STRN3: variants seen among roughly 807,000 people sequenced by gnomAD.
STRN3 encodes striatin-3.
A neutral mutation model predicts 95.6 loss-of-function variants in STRN3; 29 were observed. That is an observed-to-expected ratio of 0.30 (90% CI 0.23 to 0.41). STRN3 has a LOEUF of 0.41. Among genes scored for constraint, STRN3 ranks in the 10% least tolerant of loss-of-function variants. STRN3 has a pLI of 1.00. For synonymous variants in STRN3, 331 were observed against 357.6 expected, an observed-to-expected ratio of 0.93 and a Z score of 0.84; for missense variants, 890 against 972.1, an observed-to-expected ratio of 0.92 and a Z score of 1.12.
chr14:31,020,798 C>T (rs938590685), intron 1 of STRN3, among the ~76,000 whole-genome samples: 2 of 151,932 alleles, frequency 1.3e-5, no homozygotes, highest in Admixed American at 6.6e-5. Flanking sequence ...CCCACCTACT[C>T]GGGAGGCTGC....
chr14:30,900,444 G>GGT (rs1364691296), intron 16 of STRN3, among the ~76,000 whole-genome samples: 1 of 81,750 alleles, frequency 1.2e-5, no homozygotes, highest in Non-Finnish European at 3.2e-5. Context: ...GGTGTGGGGC[G>GGT]GGGGGGGGCG....
chr14:30,934,097 G>A (rs915764351), intron 7 of STRN3, among the ~76,000 whole-genome samples: 5 of 152,092 alleles, frequency 3.3e-5, no homozygotes, highest in African/African-American at 1.2e-4. Context: ...AGGCCAAGGC[G>A]GGCGGATCGC....
chr14:31,013,129 G>A (rs1385722759), intron 1 of STRN3, among the ~76,000 whole-genome samples: 5 of 151,874 alleles, frequency 3.3e-5, no homozygotes, highest in Non-Finnish European at 2.9e-5. Flanking sequence ...TTAGTCAGGT[G>A]TGGAGGCATG....
In STRN3 at chr14:30,895,335, T is replaced by C; in HGVS notation, c.*76A>G. On this transcript the variant is annotated 3_prime_UTR_variant, in exon 18 of 18. Transcript: ENST00000357479. ...CAGATCACATGTAGTGTCATATCAG[T>C]AACCTTTCTGATGGCAGTGATGCAG... The C allele has an allele frequency of 7.0e-7, 1 of 1,432,574 alleles. No individual in the cohort carries two copies. The highest frequency in any genetic ancestry group is 9.3e-7 in the Non-Finnish European group (1 of 1,072,484). The allele number at this position is 1,432,574 out of a possible 1,614,324, so 88.7% of individuals were successfully genotyped here. A position where few individuals can be genotyped will look rare whatever the true frequency, so the allele number is the denominator to read the frequency against.
At chr14:30,984,278 A>C (rs1383467287) in intron 1 of STRN3, among the ~76,000 whole-genome samples, 5 of 149,422 alleles carry the variant, frequency 3.3e-5, no homozygotes, top group African/African-American at 9.8e-5. Flanking sequence ...AAAAAAAAAA[A>C]AAAAAAAAAA....
At chr14:30,942,197 T>C (rs1402092644) in intron 5 of STRN3, among the ~76,000 whole-genome samples, 1 of 152,206 alleles carries the variant, frequency 6.6e-6, no homozygotes, top group East Asian at 1.9e-4. Context: ...TCTCTCATTC[T>C]TTCTGTATGT....
chr14:30,918,047 T>A (rs1896784324), intron 9 of STRN3, among the ~76,000 whole-genome samples: 1 of 152,218 alleles, frequency 6.6e-6, no homozygotes, highest in Non-Finnish European at 1.5e-5. Flanking sequence ...GGAAAAAATG[T>A]TTAAGTAGTA....
rs370762206 is a variant in STRN3, at chr14:30,929,280, A to G, written c.1020T>C (p.Val340=). 1.9e-6 allele frequency: 3 copies of G among 1,613,676 alleles called. No homozygotes were observed. The highest frequency in any genetic ancestry group is 2.5e-6 in the Non-Finnish European group (3 of 1,179,760). The change falls in exon 8 of 18, where the codon GTT becomes GTC. Residue 340 remains valine (V), a synonymous_variant. Transcript: ENST00000357479. ...DKDDLSPTAE[V]WDVDQGLISK... ...TTATTAGTCCCTGGTCTACATCCCA[A>G]ACCTCAGCAGTTGGGGAGAGGTCAT...
intron 5 of STRN3, among the ~76,000 whole-genome samples, chr14:30,944,347 G>C (rs929181356): frequency 6.6e-6 from 1 of 151,552 alleles, no homozygotes; most frequent in Non-Finnish European, 1.5e-5. Flanking sequence ...TAGAAAATAA[G>C]GGCTCTATCT....
intron 1 of STRN3, among the ~76,000 whole-genome samples, chr14:30,975,558 G>GAAA (rs1881054586): frequency 8.0e-6 from 1 of 124,944 alleles, no homozygotes. Flanking sequence ...AAAAAAAAAA[G>GAAA]AAGAAGAAAG....
At chr14:30,936,160 T>A (rs1878806903) in intron 6 of STRN3, among the ~76,000 whole-genome samples, 2 of 152,244 alleles carry the variant, frequency 1.3e-5, no homozygotes, top group South Asian at 4.1e-4. Flanking sequence ...GCAACTTCAG[T>A]TAATTTATCA....
chr14:30,993,352 T>C (rs1422752947), intron 1 of STRN3, among the ~76,000 whole-genome samples: 6 of 151,758 alleles, frequency 4.0e-5, no homozygotes, highest in East Asian at 3.9e-4. Flanking sequence ...AGGGAGAACA[T>C]GACTATTTCA....
At chr14:30,987,167 GGC>G (rs1349809567) in intron 1 of STRN3, among the ~76,000 whole-genome samples, 2 of 152,062 alleles carry the variant, frequency 1.3e-5, no homozygotes, top group African/African-American at 4.8e-5. Context: ...CCAAAGAAAG[GGC>G]AAGAGTAACG....
intron 3 of STRN3, among the ~76,000 whole-genome samples, chr14:30,952,793 C>G (rs1206301064): frequency 6.6e-6 from 1 of 152,178 alleles, no homozygotes; most frequent in Non-Finnish European, 1.5e-5. Context: ...AGTCCCTCTA[C>G]TGATTTTTCT....
chr14:30,931,724 A>G (rs1878545224), intron 7 of STRN3, among the ~76,000 whole-genome samples: 1 of 152,268 alleles, frequency 6.6e-6, no homozygotes, highest in Non-Finnish European at 1.5e-5. Context: ...TGACAATGAG[A>G]AGAACTAAAA....
intron 1 of STRN3, among the ~76,000 whole-genome samples, chr14:30,964,958 G>C (rs1880408067): frequency 6.6e-6 from 1 of 152,054 alleles, no homozygotes; most frequent in Non-Finnish European, 1.5e-5. Flanking sequence ...CTTGGTCTTG[G>C]TGCTGTCTTG....
intron 4 of STRN3, among the ~76,000 whole-genome samples, chr14:30,948,699 T>C (rs1219623981): frequency 6.6e-6 from 1 of 152,276 alleles, no homozygotes; most frequent in African/African-American, 2.4e-5. Flanking sequence ...AGGAAGACTA[T>C]GGAGATAAAC....
chr14:30,905,455 T>C lies in STRN3; in HGVS notation c.1992A>G (p.Ser664=), dbSNP rs748099657. 1 of 1,607,982 alleles carries C rather than the reference T, an allele frequency of 6.2e-7. No individual in the cohort carries two copies. The highest frequency in any genetic ancestry group is 8.5e-7 in the Non-Finnish European group (1 of 1,177,852). The part of the protein sequence containing the change: ...GSAVIYDLET[S]QSLVILSSQV... ...GTGATGAAAGTATCACCAATGACTG[T>C]GATGTTTCTAAATCATAAATTACTG... The change falls in exon 15 of 18, where the codon TCA becomes TCG. Residue 664 remains serine, a synonymous_variant. Coordinates refer to ENST00000357479, the MANE Select transcript of STRN3 (RefSeq NM_001083893.2).
chr14:30,915,584 T>TA (rs1896717406), intron 9 of STRN3, among the ~76,000 whole-genome samples: 1 of 152,200 alleles, frequency 6.6e-6, no homozygotes, highest in Non-Finnish European at 1.5e-5. Context: ...CTAAAAACTA[T>TA]AAAATCAATA....
Sources: gnomAD v4.1 joint callset for allele counts (sites outside exome capture counted in the v4.1 genomes callset) on GRCh38, gnomAD v4.1.1 for gene constraint, MANE v1.5 for transcripts, NCBI Gene and HGNC (gene_info 2026-07-23, HGNC 2026-07-21) for gene names.